SH3RF1: variants seen among roughly 807,000 people sequenced by gnomAD.
The protein encoded by SH3RF1 is E3 ubiquitin-protein ligase SH3RF1.
A neutral mutation model predicts 74.0 loss-of-function variants in SH3RF1; 32 were observed. The observed-to-expected ratio is 0.43, with a 90% confidence interval of 0.33 to 0.58. SH3RF1 has a LOEUF of 0.58. Ranked by LOEUF, SH3RF1 falls within the 20% of genes least tolerant of loss-of-function variation. The pLI is 0.05. For missense variants in SH3RF1, 954 were observed against 1,130.9 expected (o/e 0.84, Z 2.24); for synonymous variants, 396 against 439.6 (o/e 0.90, Z 1.24).
At chr4:169,212,079 TTTGA>T in intron 2 of SH3RF1, among the ~76,000 whole-genome samples, 2 of 140,628 alleles carry the variant, frequency 1.4e-5, no homozygotes, top group South Asian at 4.6e-4. Flanking sequence ...TTTTTTTTTT[TTTGA>T]GACAGAGTTT....
intron 10 of SH3RF1, among the ~76,000 whole-genome samples, chr4:169,110,894 C>A (rs759204560): frequency 6.6e-6 from 1 of 152,074 alleles, no homozygotes; most frequent in South Asian, 2.1e-4. Context: ...TGAAGTTATG[C>A]GTAGAAAATG....
intron 5 of SH3RF1, among the ~76,000 whole-genome samples, chr4:169,134,908 C>T (rs182694059): frequency 1.5e-4 from 23 of 152,274 alleles, no homozygotes; most frequent in Admixed American, 9.2e-4. Flanking sequence ...GTGCGTTGTG[C>T]GTGTCTTTAT....
chr4:169,123,304 T>C lies in SH3RF1; in HGVS notation c.1180-1038A>G, dbSNP rs116173565. Among the ~76,000 whole-genome samples the C allele has an allele frequency of 6.7e-3, 1,024 of 152,340 alleles. 8 individuals are homozygous for C. Among genetic ancestry groups the C allele is most frequent in the African/African-American group, 0.023 (975 of 41,574 alleles). ...ACTATAATACATCTGGCTGTTAATA[T>C]AGACATACATAGTTCCAGAAACATA... is the stretch of plus-strand genomic sequence containing the variant. On this transcript the variant is annotated intron_variant, in intron 6 of 11. Transcript: ENST00000284637.
chr4:169,100,700 T>C (rs1426662703), intron 11 of SH3RF1, among the ~76,000 whole-genome samples: 4 of 152,146 alleles, frequency 2.6e-5, no homozygotes, highest in Non-Finnish European at 5.9e-5. Context: ...AAAAAATCAT[T>C]AACAGCTTTA....
Position 169,117,646 on chromosome 4 carries a change from GACT to G in SH3RF1, c.1651_1653del (p.Ser551del). Reference sequence around the variant, plus strand: ...ACCACAGCTGCGGGGACAACACTGGGACTCCCAGCCACGCCATTTCCCTGGAGC... The same window carrying G: ...ACCACAGCTGCGGGGACAACACTGGGCCCAGCCACGCCATTTCCCTGGAGC... On this transcript the variant is annotated inframe_deletion, in exon 9 of 12. Transcript: ENST00000284637. 10 of 1,614,182 alleles carry G rather than the reference GACT, an allele frequency of 6.2e-6. No homozygotes were observed. The highest frequency in any genetic ancestry group is 8.5e-6 in the Non-Finnish European group (10 of 1,180,040).
At chr4:169,250,711 A>G (rs1731089044) in intron 2 of SH3RF1, among the ~76,000 whole-genome samples, 1 of 152,226 alleles carries the variant, frequency 6.6e-6, no homozygotes, top group South Asian at 2.1e-4. Context: ...GGAGGGATTA[A>G]ACAAATAAAT....
chr4:169,261,900 TAAAAC>T (rs1028977134), intron 2 of SH3RF1, among the ~76,000 whole-genome samples: 46 of 152,184 alleles, frequency 3.0e-4, no homozygotes, highest in African/African-American at 9.4e-4. Context: ...TTTTAATTCT[TAAAAC>T]AAAGAAAAAT....
At chr4:169,268,739 GAAAACACCAAGCT>G (rs1579172837) in intron 2 of SH3RF1, 68 bp downstream of exon 2, 1 of 1,469,490 alleles carries the variant, frequency 6.8e-7, no homozygotes, top group East Asian at 2.3e-5. Context: ...AGTTGACTTC[GAAAACACCAAGCT>G]AAAGAATAAA....
Position 169,156,642 on chromosome 4 carries a change from T to C in SH3RF1, c.431A>G (p.Asn144Ser). ...PQLPCAKALYNYEGKEPGDLK... is the reference protein window; with the variant it reads ...PQLPCAKALYSYEGKEPGDLK... Reference sequence around the variant, plus strand: ...GTCTCCAGGCTCTTTTCCTTCATAGTTGTATAATGCTTTGGCACATGGTAA... The same window carrying C: ...GTCTCCAGGCTCTTTTCCTTCATAGCTGTATAATGCTTTGGCACATGGTAA... Residue 144 changes from asparagine to serine, a missense_variant, in exon 3 of 12, where the codon AAC (asparagine) becomes AGC (serine). Transcript: ENST00000284637. The C allele has an allele frequency of 1.9e-6, 3 of 1,613,810 alleles. No homozygotes were observed. The highest frequency in any genetic ancestry group is 2.2e-5 in the East Asian group (1 of 44,876).
intron 2 of SH3RF1, among the ~76,000 whole-genome samples, chr4:169,186,499 G>A (rs1021659718): frequency 1.8e-4 from 28 of 151,416 alleles, no homozygotes; most frequent in Non-Finnish European, 2.9e-5. Context: ...GTTCCTTCAG[G>A]TGCAAAAAAT....
At chr4:169,146,157 ATAT>A (rs1036959883) in intron 4 of SH3RF1, among the ~76,000 whole-genome samples, 2 of 139,916 alleles carry the variant, frequency 1.4e-5, no homozygotes, top group African/African-American at 5.1e-5. Context: ...TCTATATAAA[ATAT>A]TATATATCTA....
chr4:169,135,768 C>T (rs1324010529), intron 5 of SH3RF1, among the ~76,000 whole-genome samples: 1 of 152,160 alleles, frequency 6.6e-6, no homozygotes, highest in Non-Finnish European at 1.5e-5. Context: ...CTATTTTTTA[C>T]ATACCAGTCC....
chr4:169,268,098 T>C (rs1731383718), intron 2 of SH3RF1, among the ~76,000 whole-genome samples: 1 of 152,040 alleles, frequency 6.6e-6, no homozygotes, highest in Admixed American at 6.6e-5. Context: ...ATACAGAAAT[T>C]TTGTGTGACA....
intron 2 of SH3RF1, among the ~76,000 whole-genome samples, chr4:169,260,357 C>T (rs1385992800): frequency 6.6e-6 from 1 of 152,074 alleles, no homozygotes; most frequent in Non-Finnish European, 1.5e-5. Flanking sequence ...TCCTGCTCCC[C>T]CTGTCTGTTC....
intron 2 of SH3RF1, among the ~76,000 whole-genome samples, chr4:169,210,494 G>A (rs1026427952): frequency 1.1e-4 from 16 of 152,150 alleles, no homozygotes; most frequent in Non-Finnish European, 1.6e-4. Context: ...CAAAAGTGGT[G>A]TAAGCCTCTT....
At chr4:169,101,257 T>C (rs1205846093) in intron 11 of SH3RF1, among the ~76,000 whole-genome samples, 1 of 152,220 alleles carries the variant, frequency 6.6e-6, no homozygotes, top group African/African-American at 2.4e-5. Context: ...AAAAACTGTT[T>C]TTTAAAATGT....
chr4:169,131,804 G>A (rs935664523), intron 5 of SH3RF1, among the ~76,000 whole-genome samples: 2 of 152,222 alleles, frequency 1.3e-5, no homozygotes, highest in African/African-American at 2.4e-5. Context: ...TTCAGCCTCT[G>A]ATTGGTTGCT....
chr4:169,210,937 A>G (rs1042300020), intron 2 of SH3RF1, among the ~76,000 whole-genome samples: 5 of 152,208 alleles, frequency 3.3e-5, no homozygotes, highest in African/African-American at 1.2e-4. Context: ...TCTTTACACA[A>G]TTTAGCTTGT....
intron 2 of SH3RF1, among the ~76,000 whole-genome samples, chr4:169,266,768 G>A (rs1489706089): frequency 2.0e-5 from 3 of 152,064 alleles, no homozygotes; most frequent in African/African-American, 7.2e-5. Flanking sequence ...GGCTAGAGGC[G>A]AGTGCCACAG....
Sources: allele counts gnomAD v4.1 joint callset (sites outside exome capture counted in the v4.1 genomes callset), GRCh38; gene constraint gnomAD v4.1.1; transcripts MANE v1.5; gene names NCBI Gene and HGNC (gene_info 2026-07-23, HGNC 2026-07-21).